CRTC3: variants seen among roughly 807,000 people sequenced by gnomAD.
CRTC3 encodes CREB-regulated transcription coactivator 3.
A neutral mutation model predicts 74.5 loss-of-function variants in CRTC3; 26 were observed. That is an observed-to-expected ratio of 0.35 (90% CI 0.26 to 0.48). The LOEUF is 0.48. Among genes scored for constraint, CRTC3 ranks in the 20% least tolerant of loss-of-function variants. CRTC3 has a pLI of 0.99. For synonymous variants in CRTC3, 377 were observed against 325.8 expected (o/e 1.16, Z -1.69); for missense variants, 760 against 787.3 (o/e 0.97, Z 0.41).
intron 11 of CRTC3, among the ~76,000 whole-genome samples, chr15:90,635,607 T>TCCAGCTTGGGTGCC (rs1969204979): frequency 6.6e-6 from 1 of 151,876 alleles, no homozygotes; most frequent in East Asian, 1.9e-4. Context: ...GTCATGCCAC[T>TCCAGCTTGGGTGCC]GCACTCCAGC....
In CRTC3 at chr15:90,573,635, GT is replaced by G. The variant is rs199637484; in HGVS notation, c.232-19993del. Among the ~76,000 whole-genome samples the G allele has an allele frequency of 1.6e-3, 247 of 150,852 alleles. 1 individual carries two copies. The highest frequency in any genetic ancestry group is 2.5e-3 in the Admixed American group (38 of 15,146). ...TACATAGCTTGTTCTGTTTTTTACT[GT>G]TTTTTTTCCCATTGATATGGCTACC... On this transcript the variant is annotated intron_variant, in intron 2 of 14. Coordinates refer to ENST00000268184, the MANE Select transcript of CRTC3 (RefSeq NM_022769.5).
intron 1 of CRTC3, among the ~76,000 whole-genome samples, chr15:90,536,176 GTATAT>G (rs1966716257): frequency 6.6e-6 from 1 of 152,146 alleles, no homozygotes; most frequent in African/African-American, 2.4e-5. Context: ...CACACTGTCT[GTATAT>G]TATAGCTTTA....
intron 2 of CRTC3, among the ~76,000 whole-genome samples, chr15:90,556,991 T>C (rs1966905023): frequency 1.2e-5 from 1 of 84,876 alleles, no homozygotes; most frequent in Non-Finnish European, 2.8e-5. Context: ...TATATATATA[T>C]ATATATATCT....
chr15:90,573,473 C>G (rs1967325075), intron 2 of CRTC3, among the ~76,000 whole-genome samples: 1 of 152,066 alleles, frequency 6.6e-6, no homozygotes, highest in African/African-American at 2.4e-5. Flanking sequence ...AAACATTCAC[C>G]CGTTTTTCAT....
Position 90,543,300 on chromosome 15 carries a change from CA to C in CRTC3, c.231+3182del, listed in dbSNP as rs10678466. Among the ~76,000 whole-genome samples, 301 of 108,208 alleles carry C rather than the reference CA, an allele frequency of 2.8e-3. 2 individuals carry two copies. The highest frequency in any genetic ancestry group is 9.2e-3 in the African/African-American group (253 of 27,572). 71.0% of individuals were successfully genotyped at this position (108,208 alleles called of 152,430 possible). A position where few individuals can be genotyped will look rare whatever the true frequency, so the allele number is the denominator to read the frequency against. On this transcript the variant is annotated intron_variant, in intron 2 of 14. Coordinates refer to ENST00000268184, the MANE Select transcript of CRTC3 (RefSeq NM_022769.5). ...TGGGTGACAGAGCCAAACCCTGTCTCAAAAAAAAAAAAAAAAAAAGGTGGCC... is the reference window on the plus strand; with the variant it reads ...TGGGTGACAGAGCCAAACCCTGTCTCAAAAAAAAAAAAAAAAAAGGTGGCC...
chr15:90,564,840 A>G (rs1488806045), intron 2 of CRTC3, among the ~76,000 whole-genome samples: 2 of 151,838 alleles, frequency 1.3e-5, no homozygotes, highest in African/African-American at 4.8e-5. Flanking sequence ...ACTCAAGAGT[A>G]AGGCAGCTTG....
rs1234049479 is a variant in CRTC3, at chr15:90,642,472, TG to T, written c.*334del. 2.3e-6 allele frequency: 1 copy of T among 437,778 alleles called. No individual in the cohort carries two copies. The highest frequency in any genetic ancestry group is 2.0e-5 in the African/African-American group (1 of 51,062). 27.1% of individuals were successfully genotyped at this position (437,778 alleles called of 1,614,324 possible). ...GTAAGAGTAGGAAATACTGTGTCACTGGAGGCCTCCGTAGCATTGTGTAGTG... is the reference window on the plus strand; with the variant it reads ...GTAAGAGTAGGAAATACTGTGTCACTGAGGCCTCCGTAGCATTGTGTAGTG... On this transcript the variant is annotated 3_prime_UTR_variant, in exon 15 of 15. Coordinates refer to ENST00000268184, the MANE Select transcript of CRTC3 (RefSeq NM_022769.5).
intron 11 of CRTC3, chr15:90,638,009 T>G (rs1468911665): frequency 6.2e-6 from 1 of 160,946 alleles, no homozygotes; most frequent in Non-Finnish European, 1.4e-5. Context: ...CATTTAGTGT[T>G]CTGTGCTGTT....
chr15:90,612,053 C>CCTG (rs1968372230), intron 6 of CRTC3, among the ~76,000 whole-genome samples: 1 of 143,678 alleles, frequency 7.0e-6, no homozygotes, highest in Non-Finnish European at 1.5e-5. Flanking sequence ...TCCTCCTCCT[C>CCTG]CTCCGCCTCC....
At chr15:90,639,667 C>A (rs1422944449) in intron 13 of CRTC3, among the ~76,000 whole-genome samples, 1 of 151,164 alleles carries the variant, frequency 6.6e-6, no homozygotes, top group Admixed American at 6.6e-5. Flanking sequence ...CCAGGCTAAT[C>A]TTGAACTCCG....
At chr15:90,577,920 A>T (rs1421073635) in intron 2 of CRTC3, among the ~76,000 whole-genome samples, 1 of 152,096 alleles carries the variant, frequency 6.6e-6, no homozygotes, top group Non-Finnish European at 1.5e-5. Flanking sequence ...ATTTATTTTT[A>T]AATTTTTGAG....
rs770047781 is a variant in CRTC3 at position 90,638,762 on chromosome 15, G to A, written c.1495G>A (p.Asp499Asn). ...CTCATCTTTGACCAACTTCTTCCCA[G>A]ATGTGGGTTTTGACCAGCAGTCCAT... ...QGSSLTNFFP[D>N]VGFDQQSMRP... The change falls in exon 13 of 15, where the codon GAT becomes AAT. Residue 499 changes from aspartate to asparagine, a missense_variant. Transcript: ENST00000268184. 2.5e-6 allele frequency: 4 copies of A among 1,614,168 alleles called. No homozygotes were observed. The African/African-American group carries it at 4.0e-5, about 16-fold the overall frequency.
chr15:90,642,559 TG>T lies in CRTC3; in HGVS notation c.*423del. Reference sequence around the variant, plus strand: ...CGGGCCCGGAGTGGGAGGCTCGGCCTGGGGCGGCGGCACCGGAGAGGGCACC... The same window carrying T: ...CGGGCCCGGAGTGGGAGGCTCGGCCTGGGCGGCGGCACCGGAGAGGGCACC... On this transcript the variant is annotated 3_prime_UTR_variant, in exon 15 of 15. Transcript: ENST00000268184. 3.2e-6 allele frequency: 1 copy of T among 315,776 alleles called. No homozygotes were observed. Among genetic ancestry groups the T allele is most frequent in the Non-Finnish European group, 6.0e-6 (1 of 167,896 alleles). The allele number at this position is 315,776 out of a possible 1,614,324, so 19.6% of individuals were successfully genotyped here.
At chr15:90,614,073 G>A in intron 6 of CRTC3, 1 of 179,910 alleles carries the variant, frequency 5.6e-6, no homozygotes, top group South Asian at 1.3e-4. Context: ...AGTGATGTAG[G>A]CTTTTTGAGT....
At chr15:90,635,885 C>G (rs1969216270) in intron 11 of CRTC3, among the ~76,000 whole-genome samples, 1 of 151,900 alleles carries the variant, frequency 6.6e-6, no homozygotes, top group Non-Finnish European at 1.5e-5. Context: ...AACTACAAAC[C>G]ACTGCTCAAT....
At chr15:90,616,018 C>T (rs371122826) in intron 7 of CRTC3, among the ~76,000 whole-genome samples, 182 of 151,064 alleles carry the variant, frequency 1.2e-3, no homozygotes, top group African/African-American at 4.1e-3. Context: ...CACCACCACA[C>T]CCAGCTAATT....
intron 11 of CRTC3, among the ~76,000 whole-genome samples, chr15:90,631,749 TAAAA>T (rs1438611728): frequency 6.7e-6 from 1 of 149,082 alleles, no homozygotes; most frequent in Non-Finnish European, 1.5e-5. Flanking sequence ...AAATTAGAAT[TAAAA>T]AAAGAAAAGA....
chr15:90,625,810 T>C lies in CRTC3; in HGVS notation c.784T>C (p.Ser262Pro), dbSNP rs1338755032. 2 of 1,614,130 alleles carry C rather than the reference T, an allele frequency of 1.2e-6. No individual in the cohort carries two copies. Among genetic ancestry groups the C allele is most frequent in the Non-Finnish European group, 8.5e-7 (1 of 1,180,046 alleles). The part of the protein sequence containing the change: ...FPHNGQNLGL[S>P]PFLGTLNTGG... ...ACATAATGGTCAAAACCTAGGCCTC[T>C]CACCCTTCTTGGGGACCTTGAACAC... is the stretch of plus-strand genomic sequence containing the variant. Residue 262 changes from serine to proline, a missense_variant, in exon 10 of 15, where the codon TCA becomes CCA. This residue lies in a region of CRTC3 where 652 missense variants were observed against 635.2 expected (regional missense o/e 1.03). Coordinates refer to ENST00000268184, the MANE Select transcript of CRTC3 (RefSeq NM_022769.5).
rs1454336726 is a variant in CRTC3 at position 90,629,439 on chromosome 15, C to G, written c.1173C>G (p.Ser391Arg). The part of the protein sequence containing the change: ...GPSRRRQPPV[S>R]PLTLSPGPEA... ...CTCGGCGTCGGCAGCCTCCCGTCAG[C>G]CCTCTCACGCTTTCTCCTGGCCCTG... The change falls in exon 11 of 15, where the codon AGC (serine) becomes AGG (arginine). Residue 391 changes from serine (S) to arginine (R), a missense_variant. Ser to Arg is a moderately radical substitution (Grantham distance 110). Transcript: ENST00000268184. The G allele has an allele frequency of 6.2e-7, 1 of 1,614,034 alleles. No homozygotes were observed. The highest frequency in any genetic ancestry group is 8.5e-7 in the Non-Finnish European group (1 of 1,180,032).
Sources: allele counts gnomAD v4.1 joint callset (sites outside exome capture counted in the v4.1 genomes callset), GRCh38; gene constraint gnomAD v4.1.1; regional missense constraint gnomAD v4.1.1; transcripts MANE v1.5; gene names NCBI Gene and HGNC (gene_info 2026-07-23, HGNC 2026-07-21).